Variants in ASIC4 observed in about 807,000 individuals in gnomAD.
ASIC4 encodes the protein acid sensing ion channel subunit family member 4, also known as acid-sensing ion channel 4.
ASIC4 carries 28 observed loss-of-function variants against 53.4 expected under a neutral mutation model. The ratio of observed to expected loss-of-function variants is 0.52; its 90% CI spans 0.39 to 0.72. The LOEUF is 0.72. ASIC4 is among the 30% of genes least tolerant of loss of function. The probability of loss-of-function intolerance (pLI) is 0.00; values close to 1 mark genes in which losing one functional copy is unlikely to be tolerated. For synonymous variants in ASIC4, 289 were observed against 301.4 expected (o/e 0.96, Z 0.43); for missense variants, 649 against 729.7 (o/e 0.89, Z 1.27).
chr2:219,538,027 T>C lies in ASIC4; in HGVS notation c.1601T>C (p.Phe534Ser), dbSNP rs1443386197. 2 of 1,613,060 alleles carry C rather than the reference T, an allele frequency of 1.2e-6. No individual in the cohort carries two copies. The highest frequency in any genetic ancestry group is 2.2e-5 in the East Asian group (1 of 44,832). The part of the protein sequence containing the change: ...HHPHGPPGGL[F>S]EDFAC Reference sequence around the variant, plus strand: ...CCCCACGGTCCCCCAGGAGGTCTCTTTGAAGATTTTGCTTGCTAGGACGGT... The same window carrying C: ...CCCCACGGTCCCCCAGGAGGTCTCTCTGAAGATTTTGCTTGCTAGGACGGT... The change falls in exon 10 of 10, where the codon TTT (phenylalanine) becomes TCT (serine). Residue 534 changes from phenylalanine (F) to serine (S), a missense_variant. Physicochemically the swap from Phe to Ser is radical, Grantham distance 155. Transcript: ENST00000358078.
chr2:219,515,966 G>C (rs1221811576), intron 1 of ASIC4, among the ~76,000 whole-genome samples: 1 of 152,148 alleles, frequency 6.6e-6, no homozygotes, highest in Non-Finnish European at 1.5e-5. Flanking sequence ...TCCTGTTCTA[G>C]CGGCTCCCAT....
rs745781324 is a variant in ASIC4 at position 219,537,206 on chromosome 2, G to T, written c.1322-36G>T. The T allele has an allele frequency of 1.2e-6, 2 of 1,611,514 alleles. No homozygotes were observed. Among genetic ancestry groups the T allele is most frequent in the East Asian group, 2.2e-5 (1 of 44,802 alleles). ...AGCTTGTGTGGGGGTGGATCGGCCC[G>T]GCCGCTCCCTCTGACACTGCTCTCC... On this transcript the variant is annotated intron_variant, in intron 7 of 9. Transcript: ENST00000358078. The surrounding 1 kb of genome is among the most constrained non-coding windows in gnomAD (Gnocchi z 4.9).
intron 1 of ASIC4, among the ~76,000 whole-genome samples, chr2:219,519,441 C>G (rs1300878755): frequency 6.6e-6 from 1 of 152,200 alleles, no homozygotes; most frequent in Non-Finnish European, 1.5e-5. Context: ...CCCTCTGGCC[C>G]ACACCCTCCT....
At chr2:219,508,482 T>TGAGGTCTTTGTAACATGCCCCACA in the ASIC4 span, among the ~76,000 whole-genome samples, 4 of 151,914 alleles carry the variant, frequency 2.6e-5, no homozygotes, top group Non-Finnish European at 5.9e-5. Flanking sequence ...CTAGCAAAGC[T>TGAGGTCTTTGTAACATGCCCCACA]GAGGTCTTTG....
intron 5 of ASIC4, among the ~76,000 whole-genome samples, chr2:219,534,315 A>T (rs1200294168): frequency 6.6e-6 from 1 of 152,254 alleles, no homozygotes; most frequent in Non-Finnish European, 1.5e-5. Flanking sequence ...CAGATATGTG[A>T]TCAGGAGTAA....
At position 219,537,123 on chromosome 2, in the gene ASIC4, G is replaced by A; in HGVS notation, c.1287G>A (p.Glu429=). 6.2e-7 allele frequency: 1 copy of A among 1,614,152 alleles called. No individual in the cohort carries two copies. Among genetic ancestry groups the A allele is most frequent in the East Asian group, 2.2e-5 (1 of 44,866 alleles). Residue 429 remains glutamate, a synonymous_variant, in exon 7 of 10, where the codon GAG becomes GAA. Coordinates refer to ENST00000358078, the MANE Select transcript of ASIC4 (RefSeq NM_018674.6). This position sits in a 1 kb window ranked among gnomAD's most constrained non-coding sequence, Gnocchi z 4.9. Reference sequence around the variant, plus strand: ...AGGCCCTGACCTCTGAAGCCATGGAGCAGCGAGCAGCCTATGGCCTGTCAG... The same window carrying A: ...AGGCCCTGACCTCTGAAGCCATGGAACAGCGAGCAGCCTATGGCCTGTCAG... ...FFEALTSEAM[E]QRAAYGLSAL... is the part of the protein sequence containing the mutation.
At chr2:219,521,304 T>TATC (rs1694880486) in intron 1 of ASIC4, among the ~76,000 whole-genome samples, 2 of 152,222 alleles carry the variant, frequency 1.3e-5, no homozygotes, top group Non-Finnish European at 2.9e-5. Flanking sequence ...CTGGGCTCAT[T>TATC]ATCAGCTCAG....
intron 5 of ASIC4, chr2:219,533,217 G>A (rs1272688854): frequency 5.5e-6 from 3 of 542,202 alleles, no homozygotes; most frequent in Admixed American, 3.2e-5. Flanking sequence ...CAGCCAATGA[G>A]CTCACCCACT....
intron 5 of ASIC4, among the ~76,000 whole-genome samples, chr2:219,534,718 C>T (rs769050354): frequency 1.1e-4 from 17 of 152,112 alleles, no homozygotes; most frequent in East Asian, 3.9e-4. Context: ...GGAAGCTTGT[C>T]GGTCTATTTG....
chr2:219,535,537 TGTG>T (rs1695122032), intron 6 of ASIC4, among the ~76,000 whole-genome samples: 4 of 142,858 alleles, frequency 2.8e-5, no homozygotes, highest in Admixed American at 1.4e-4. Context: ...ATGTGTGTCT[TGTG>T]GGTGTGTGAG....
Position 219,514,593 on chromosome 2 carries a change from G to A in ASIC4, c.-132G>A, listed in dbSNP as rs750336131. ...CACCTCGGGCCCCCACCCTGTCCCT[G>A]TCCTCTTCCCGCTTGCCCTGAGTTT... On this transcript the variant is annotated 5_prime_UTR_variant, in exon 1 of 10. Coordinates refer to ENST00000358078, the MANE Select transcript of ASIC4 (RefSeq NM_018674.6). The A allele has an allele frequency of 1.9e-6, 3 of 1,594,152 alleles. No homozygotes were observed. Among genetic ancestry groups the A allele is most frequent in the South Asian group, 2.3e-5 (2 of 88,554 alleles).
chr2:219,519,709 C>T (rs1015158491), intron 1 of ASIC4, among the ~76,000 whole-genome samples: 2 of 152,220 alleles, frequency 1.3e-5, no homozygotes, highest in Admixed American at 6.5e-5. Context: ...CTATAGGCTG[C>T]CGTGTTGGAC....
intron 5 of ASIC4, among the ~76,000 whole-genome samples, chr2:219,534,619 A>G (rs1695097110): frequency 6.6e-6 from 1 of 152,160 alleles, no homozygotes; most frequent in South Asian, 2.1e-4. Context: ...CATTTGGGGG[A>G]GATCAGCCTC....
intron 1 of ASIC4, among the ~76,000 whole-genome samples, chr2:219,528,577 T>G (rs1694993273): frequency 6.6e-6 from 1 of 151,720 alleles, no homozygotes; most frequent in Non-Finnish European, 1.5e-5. Flanking sequence ...TCTCACTCTG[T>G]TGCCCAGGCT....
chr2:219,536,614 G>C lies in ASIC4; in HGVS notation c.1230-452G>C, dbSNP rs987973886. Among the ~76,000 whole-genome samples, 2 of 152,044 alleles carry C rather than the reference G, an allele frequency of 1.3e-5. No homozygotes were observed. Among genetic ancestry groups the C allele is most frequent in the Non-Finnish European group, 2.9e-5 (2 of 68,000 alleles). Reference sequence around the variant, plus strand: ...AGGACGTGGGGCGGTGGGGTGGTGTGGCGGGGAGCCTGAGCCATAGGCAGC... The same window carrying C: ...AGGACGTGGGGCGGTGGGGTGGTGTCGCGGGGAGCCTGAGCCATAGGCAGC... On this transcript the variant is annotated intron_variant, in intron 6 of 9. Transcript: ENST00000358078. The surrounding 1 kb of genome is among the most constrained non-coding windows in gnomAD (Gnocchi z 4.6).
Position 219,531,913 on chromosome 2 carries a change from C to G in ASIC4, c.727+11C>G, listed in dbSNP as rs367945240. 3 of 1,610,864 alleles carry G rather than the reference C, an allele frequency of 1.9e-6. No individual in the cohort carries two copies. The African/African-American group carries it at 4.0e-5, about 21-fold the overall frequency. ...TCTGGAGGGAGACAAGTACGCAGGC[C>G]GGAAAGGGACAAGGGCCACCTTGGG... On this transcript the variant is annotated intron_variant, in intron 2 of 9. Transcript: ENST00000358078.
rs1456299629 is a variant in ASIC4 at position 219,537,945 on chromosome 2, A to C, written c.1519A>C (p.Ser507Arg). The C allele has an allele frequency of 1.2e-6, 2 of 1,609,924 alleles. No homozygotes were observed. The highest frequency in any genetic ancestry group is 1.7e-6 in the Non-Finnish European group (2 of 1,178,250). Residue 507 changes from serine to arginine, a missense_variant, in exon 10 of 10, where the codon AGC becomes CGC. Coordinates refer to ENST00000358078, the MANE Select transcript of ASIC4 (RefSeq NM_018674.6). This position sits in a 1 kb window ranked among gnomAD's most constrained non-coding sequence, Gnocchi z 4.9. ...CTTTCTCCTGCAGAGTCCCTGCCCG[A>C]GCCGGGGCCGAGTGGAGGGTGGGGG... ...QELKEQSPCP[S>R]RGRVEGGGVS...
the ASIC4 span, among the ~76,000 whole-genome samples, chr2:219,508,006 G>A: frequency 8.6e-6 from 1 of 116,908 alleles, no homozygotes; most frequent in African/African-American, 3.3e-5. Flanking sequence ...GGTCCCGTGG[G>A]CTGTGTGCCA....
Position 219,527,501 on chromosome 2 carries a change from T to TACCA in ASIC4, c.583-4256_583-4253dup, listed in dbSNP as rs768268079. On this transcript the variant is annotated intron_variant, in intron 1 of 9. Coordinates refer to ENST00000358078, the MANE Select transcript of ASIC4 (RefSeq NM_018674.6). ...TGTGTCTGTGTGTGTCTGTTGGAGG[T>TACCA]ACCAGGTAGGGACGCTGCCCCAGCC... Among the ~76,000 whole-genome samples the TACCA allele has an allele frequency of 8.5e-5, 13 of 152,124 alleles. 1 individual carries two copies. Among genetic ancestry groups the TACCA allele is most frequent in the Middle Eastern group, 6.3e-3 (2 of 316 alleles).
Sources: allele counts gnomAD v4.1 joint callset (sites outside exome capture counted in the v4.1 genomes callset), GRCh38; gene constraint gnomAD v4.1.1; non-coding constraint Gnocchi (gnomAD v3.1); transcripts MANE v1.5; gene names NCBI Gene and HGNC (gene_info 2026-07-23, HGNC 2026-07-21).